Variants in MAMDC2 observed in about 807,000 individuals in gnomAD.
MAMDC2 encodes MAM domain-containing protein 2.
In MAMDC2, 57 loss-of-function variants were observed where a neutral mutation model predicts 89.8. That is an observed-to-expected ratio of 0.63 (90% CI 0.51 to 0.79). The LOEUF (loss-of-function observed/expected upper bound fraction) is 0.79. Ranked by LOEUF, MAMDC2 falls within the 30% of genes least tolerant of loss-of-function variation. The probability of loss-of-function intolerance (pLI) is 0.00; values close to 1 mark genes in which losing one functional copy is unlikely to be tolerated. For synonymous variants in MAMDC2, 313 were observed against 293.4 expected (o/e 1.07, Z -0.68); for missense variants, 800 against 820.6 (o/e 0.97, Z 0.31).
chr9:70,206,611 A>AT (rs150789748), intron 11 of MAMDC2, among the ~76,000 whole-genome samples: 2 of 151,784 alleles, frequency 1.3e-5, no homozygotes, highest in African/African-American at 2.4e-5. Context: ...TTTGTTTCAT[A>AT]TTTTTTTTGG....
intron 9 of MAMDC2, among the ~76,000 whole-genome samples, chr9:70,163,810 C>A (rs993574114): frequency 6.6e-6 from 1 of 151,282 alleles, no homozygotes; most frequent in Non-Finnish European, 1.5e-5. Flanking sequence ...AAAAATTAGC[C>A]GGGTGTGGTG....
chr9:70,044,428 C>T (rs1052294407), intron 1 of MAMDC2, among the ~76,000 whole-genome samples, 156 bp from the exon 2 acceptor site: 3 of 152,092 alleles, frequency 2.0e-5, no homozygotes, highest in Non-Finnish European at 4.4e-5. Context: ...TCAGTGGAGG[C>T]GCCCGGGGAT....
intron 2 of MAMDC2, among the ~76,000 whole-genome samples, chr9:70,070,214 G>A (rs943609612): frequency 3.3e-5 from 5 of 152,146 alleles, no homozygotes; most frequent in Admixed American, 6.5e-5. Flanking sequence ...AAAAAGCAAG[G>A]TCTATCTTTA....
intron 9 of MAMDC2, among the ~76,000 whole-genome samples, chr9:70,159,747 G>A (rs753821534): frequency 6.7e-4 from 102 of 152,310 alleles, no homozygotes; most frequent in Admixed American, 1.2e-3. Flanking sequence ...CCTGTCCTTG[G>A]ACATGACAAT....
intron 12 of MAMDC2, among the ~76,000 whole-genome samples, chr9:70,221,330 T>TA (rs1166208660): frequency 7.4e-4 from 76 of 103,274 alleles, no homozygotes; most frequent in Non-Finnish European, 1.1e-3. Context: ...ACCCTGTCTC[T>TA]AAAAAAAAAA....
chr9:70,094,259 C>T (rs1327115472), intron 2 of MAMDC2, among the ~76,000 whole-genome samples: 1 of 152,212 alleles, frequency 6.6e-6, no homozygotes, highest in African/African-American at 2.4e-5. Context: ...CAATGCTGAC[C>T]TCACCATTTC....
chr9:70,044,460 C>T, intron 1 of MAMDC2, 124 bp from the exon 2 acceptor site: 1 of 861,998 alleles, frequency 1.2e-6, no homozygotes, highest in Non-Finnish European at 1.8e-6. Flanking sequence ...GGTACTGCAT[C>T]CCTCTCCCGC....
chr9:70,225,973 G>A lies in MAMDC2; in HGVS notation c.2002G>A (p.Glu668Lys). ...ATATTTGTCTTTCCTGACAGAAATGGAAGATACAACTCAACAATCATCAGG... is the reference window on the plus strand; with the variant it reads ...ATATTTGTCTTTCCTGACAGAAATGAAAGATACAACTCAACAATCATCAGG... The part of the protein sequence containing the change: ...KFQAGPCGEM[E>K]DTTQQSSGYS... Residue 668 changes from glutamate to lysine, a missense_variant, in exon 14 of 14, where the codon GAA (glutamate) becomes AAA (lysine). Coordinates refer to ENST00000377182, the MANE Select transcript of MAMDC2 (RefSeq NM_153267.5). The A allele has an allele frequency of 6.4e-7, 1 of 1,574,538 alleles. No individual in the cohort carries two copies. Among genetic ancestry groups the A allele is most frequent in the Non-Finnish European group, 8.7e-7 (1 of 1,154,640 alleles).
chr9:70,215,797 T>C (rs1261615331), intron 11 of MAMDC2, among the ~76,000 whole-genome samples: 1 of 152,192 alleles, frequency 6.6e-6, no homozygotes, highest in African/African-American at 2.4e-5. Context: ...TTTTGCAGGG[T>C]GAGAACTTTA....
intron 2 of MAMDC2, among the ~76,000 whole-genome samples, chr9:70,101,010 G>A (rs1049011349): frequency 7.2e-5 from 11 of 152,134 alleles, no homozygotes; most frequent in Non-Finnish European, 1.3e-4. Flanking sequence ...TTTGATCAAC[G>A]ATGGGCATAT....
At chr9:70,122,413 A>G (rs565472692) in intron 5 of MAMDC2, among the ~76,000 whole-genome samples, 283 of 152,310 alleles carry the variant, frequency 1.9e-3, no homozygotes, top group African/African-American at 6.0e-3. Flanking sequence ...CCCTTTAAAG[A>G]CAACTCTCAG....
At chr9:70,069,165 C>CTGTCACAGATTTT in intron 2 of MAMDC2, among the ~76,000 whole-genome samples, 1 of 152,198 alleles carries the variant, frequency 6.6e-6, no homozygotes. Context: ...CCTTCTCTTT[C>CTGTCACAGATTTT]TGTCACAGAT....
chr9:70,200,345 A>G (rs1384605133), intron 11 of MAMDC2, among the ~76,000 whole-genome samples: 1 of 146,418 alleles, frequency 6.8e-6, no homozygotes, highest in Non-Finnish European at 1.5e-5. Context: ...CAGGTTTGTC[A>G]AAGATCAGAT....
chr9:70,168,200 A>G (rs2032227777), intron 9 of MAMDC2, among the ~76,000 whole-genome samples: 1 of 152,196 alleles, frequency 6.6e-6, no homozygotes, highest in South Asian at 2.1e-4. Context: ...AAATATATTA[A>G]GTAATTCTAG....
intron 11 of MAMDC2, among the ~76,000 whole-genome samples, chr9:70,192,791 G>A (rs561815877): frequency 6.6e-6 from 1 of 152,098 alleles, no homozygotes; most frequent in South Asian, 2.1e-4. Context: ...GGGAAGAGAG[G>A]TTGGGCTCAA....
chr9:70,212,980 G>A (rs1289419132), intron 11 of MAMDC2, among the ~76,000 whole-genome samples: 1 of 152,086 alleles, frequency 6.6e-6, no homozygotes, highest in East Asian at 1.9e-4. Context: ...GGGAAGAACT[G>A]GTCAACCAGA....
At chr9:70,094,264 C>A (rs1827973159) in intron 2 of MAMDC2, among the ~76,000 whole-genome samples, 1 of 152,206 alleles carries the variant, frequency 6.6e-6, no homozygotes, top group Non-Finnish European at 1.5e-5. Flanking sequence ...CTGACCTCAC[C>A]ATTTCTCCAT....
intron 2 of MAMDC2, among the ~76,000 whole-genome samples, chr9:70,099,640 C>T (rs1031625423): frequency 1.3e-5 from 2 of 152,042 alleles, no homozygotes; most frequent in African/African-American, 2.4e-5. Flanking sequence ...GTCACAGATA[C>T]TTGGAAGATC....
chr9:70,050,400 C>A (rs1826866904), intron 2 of MAMDC2, among the ~76,000 whole-genome samples: 1 of 152,164 alleles, frequency 6.6e-6, no homozygotes, highest in Non-Finnish European at 1.5e-5. Flanking sequence ...CGGCTTAAGC[C>A]TCGTGGTTAG....
Sources: gnomAD v4.1 joint callset for allele counts (sites outside exome capture counted in the v4.1 genomes callset) on GRCh38, gnomAD v4.1.1 for gene constraint, MANE v1.5 for transcripts, NCBI Gene and HGNC (gene_info 2026-07-23, HGNC 2026-07-21) for gene names.